The following BBS9 variants were observed in gnomAD, a reference collection of about 807,000 sequenced individuals.
The protein encoded by BBS9 is protein PTHB1.
BBS9 carries 89 observed loss-of-function variants against 117.7 expected under a neutral mutation model. The observed-to-expected ratio is 0.76, with a 90% CI of 0.64 to 0.90. The LOEUF (loss-of-function observed/expected upper bound fraction) is 0.90. Ranked by LOEUF, BBS9 falls within the 40% of genes least tolerant of loss-of-function variation. The pLI, the probability that BBS9 is intolerant of heterozygous loss-of-function variation, is 0.00. For missense variants in BBS9, 982 were observed against 1,042.2 expected, an observed-to-expected ratio of 0.94 and a Z score of 0.80; for synonymous variants, 379 against 370.9, an observed-to-expected ratio of 1.02 and a Z score of -0.25.
intron 5 of BBS9, among the ~76,000 whole-genome samples, chr7:33,199,581 G>A (rs1173232281): frequency 1.3e-5 from 2 of 151,326 alleles, no homozygotes; most frequent in Non-Finnish European, 3.0e-5. Flanking sequence ...TGGCTTTTCA[G>A]CAATCTATTT....
At chr7:33,186,789 T>C (rs987733661) in intron 5 of BBS9, among the ~76,000 whole-genome samples, 5 of 152,192 alleles carry the variant, frequency 3.3e-5, no homozygotes, top group Non-Finnish European at 7.3e-5. Context: ...AAGGAATATG[T>C]GATTTTGGGT....
intron 17 of BBS9, among the ~76,000 whole-genome samples, chr7:33,369,757 C>A (rs1822507354): frequency 6.6e-6 from 1 of 152,094 alleles, no homozygotes; most frequent in Admixed American, 6.6e-5. Context: ...AGTATTCATT[C>A]CTAAGAAAGG....
At chr7:33,600,596 G>T (rs1474739729) in intron 21 of BBS9, among the ~76,000 whole-genome samples, 1 of 152,146 alleles carries the variant, frequency 6.6e-6, no homozygotes, top group Non-Finnish European at 1.5e-5. Context: ...AATAGCGAGA[G>T]GGTAAGGAAT....
At chr7:33,384,411 CTA>C (rs1825646676) in intron 18 of BBS9, among the ~76,000 whole-genome samples, 1 of 152,090 alleles carries the variant, frequency 6.6e-6, no homozygotes, top group South Asian at 2.1e-4. Flanking sequence ...CCTTCAGAGC[CTA>C]TGTTAGATTC....
rs534200529 is a variant in BBS9, at chr7:33,203,458, T to G, written c.442+25867T>G. Among the ~76,000 whole-genome samples, 8 of 152,298 alleles carry G rather than the reference T, an allele frequency of 5.3e-5. No homozygotes were observed. The East Asian group carries it at 1.5e-3, about 30-fold the overall frequency. On this transcript the variant is annotated intron_variant, in intron 5 of 22. Coordinates refer to ENST00000242067, the MANE Select transcript of BBS9 (RefSeq NM_198428.3). Reference sequence around the variant, plus strand: ...ACCCTGCTCTCTAGAACAGTGGTTCTTACATTTTAGTGTACAGAGACTTTT... The same window carrying G: ...ACCCTGCTCTCTAGAACAGTGGTTCGTACATTTTAGTGTACAGAGACTTTT...
At chr7:33,254,612 T>C (rs1029449123) in intron 5 of BBS9, among the ~76,000 whole-genome samples, 3 of 152,196 alleles carry the variant, frequency 2.0e-5, no homozygotes, top group African/African-American at 7.2e-5. Flanking sequence ...CTCCAGAACT[T>C]ACTCATATTA....
At chr7:33,393,166 AAAACAAAC>A (rs752090932) in intron 19 of BBS9, among the ~76,000 whole-genome samples, 47 of 152,130 alleles carry the variant, frequency 3.1e-4, no homozygotes, top group Non-Finnish European at 5.3e-4. Flanking sequence ...ACCCTGTCTC[AAAACAAAC>A]AAACAAACAA....
chr7:33,192,756 G>A (rs1344359084), intron 5 of BBS9, among the ~76,000 whole-genome samples: 1 of 152,188 alleles, frequency 6.6e-6, no homozygotes, highest in East Asian at 1.9e-4. Context: ...GTGCCAGCAG[G>A]TTCAGTGTGC....
intron 19 of BBS9, among the ~76,000 whole-genome samples, chr7:33,463,650 G>A (rs1395697669): frequency 2.0e-5 from 3 of 151,994 alleles, no homozygotes; most frequent in Non-Finnish European, 4.4e-5. Context: ...GTACAATCGG[G>A]TTTATAGCAA....
intron 21 of BBS9, among the ~76,000 whole-genome samples, chr7:33,597,102 CACACACA>C (rs1862971597): frequency 6.7e-6 from 1 of 149,600 alleles, no homozygotes; most frequent in African/African-American, 2.5e-5. Context: ...CACACACACA[CACACACA>C]CACAGTAAAA....
At position 33,413,541 on chromosome 7, in the gene BBS9, A is replaced by G. The variant is rs73103516; in HGVS notation, c.2115+25397A>G. On this transcript the variant is annotated intron_variant, in intron 19 of 22. Coordinates refer to ENST00000242067, the MANE Select transcript of BBS9 (RefSeq NM_198428.3). ...ACTGTCTTCATTAGTAAGTACATCA[A>G]TATCACTGTTTTCAGAGCATCTTAT... Among the ~76,000 whole-genome samples the G allele has an allele frequency of 9.3e-4, 141 of 152,280 alleles. 1 individual carries two copies. The highest frequency in any genetic ancestry group is 1.1e-3 in the Non-Finnish European group (72 of 68,016).
chr7:33,189,655 A>AG (rs1347898843), intron 5 of BBS9, among the ~76,000 whole-genome samples: 1 of 151,548 alleles, frequency 6.6e-6, no homozygotes, highest in African/African-American at 2.4e-5. Context: ...TGGGAGGCTG[A>AG]GGGGGGCGGA....
chr7:33,516,602 T>A (rs1585090620), intron 20 of BBS9, among the ~76,000 whole-genome samples: 1 of 151,798 alleles, frequency 6.6e-6, no homozygotes, highest in East Asian at 1.9e-4. Flanking sequence ...GTGGTTTGAA[T>A]TGGGGACAGG....
intron 17 of BBS9, among the ~76,000 whole-genome samples, chr7:33,379,245 C>A (rs1315332430): frequency 6.6e-6 from 1 of 152,074 alleles, no homozygotes; most frequent in African/African-American, 2.4e-5. Context: ...ATTCAGGTAC[C>A]TTGAATTATA....
chr7:33,490,453 A>T (rs1480655058), intron 19 of BBS9, among the ~76,000 whole-genome samples: 1 of 152,116 alleles, frequency 6.6e-6, no homozygotes, highest in Non-Finnish European at 1.5e-5. Context: ...TTTAATTCTC[A>T]TCTGTATTAG....
chr7:33,424,807 T>C (rs371395029), intron 19 of BBS9, among the ~76,000 whole-genome samples: 6 of 152,258 alleles, frequency 3.9e-5, no homozygotes, highest in African/African-American at 4.8e-5. Context: ...TTAGCTGCTA[T>C]TTAAGAAGGA....
intron 5 of BBS9, among the ~76,000 whole-genome samples, chr7:33,238,727 T>A (rs1238206610): frequency 1.3e-5 from 2 of 152,190 alleles, no homozygotes; most frequent in Non-Finnish European, 2.9e-5. Flanking sequence ...GGATTTTTTT[T>A]AGCCTTTTTA....
At chr7:33,402,257 C>T (rs188718243) in intron 19 of BBS9, among the ~76,000 whole-genome samples, 1 of 152,294 alleles carries the variant, frequency 6.6e-6, no homozygotes, top group Admixed American at 6.5e-5. Flanking sequence ...TTCAAAAATT[C>T]TGAAGAGTTG....
chr7:33,316,105 G>C (rs1810451053), intron 9 of BBS9, among the ~76,000 whole-genome samples: 1 of 152,088 alleles, frequency 6.6e-6, no homozygotes, highest in Non-Finnish European at 1.5e-5. Flanking sequence ...TGCTTTCTCT[G>C]TTAATAATCC....
Sources: allele counts gnomAD v4.1 joint callset (sites outside exome capture counted in the v4.1 genomes callset), GRCh38; gene constraint gnomAD v4.1.1; transcripts MANE v1.5; gene names NCBI Gene and HGNC (gene_info 2026-07-23, HGNC 2026-07-21).